The following FER variants were observed in gnomAD, a reference collection of about 807,000 sequenced individuals.
FER encodes the protein tyrosine-protein kinase Fer.
FER carries 63 observed loss-of-function variants against 111.0 expected under a neutral mutation model. That is an observed-to-expected ratio of 0.57 (90% CI 0.46 to 0.70). The LOEUF is 0.70. FER is among the 30% of genes least tolerant of loss of function. The pLI is 0.00. For missense variants in FER, 914 were observed against 954.0 expected (o/e 0.96, Z 0.55); for synonymous variants, 327 against 313.9 (o/e 1.04, Z -0.44).
intron 15 of FER, among the ~76,000 whole-genome samples, chr5:109,045,339 G>T (rs1470793928): frequency 6.7e-6 from 1 of 148,166 alleles, no homozygotes; most frequent in South Asian, 2.1e-4. Flanking sequence ...GCTATCCTTG[G>T]TTTAGTTGTA....
intron 10 of FER, among the ~76,000 whole-genome samples, chr5:108,931,439 C>T (rs1044296766): frequency 2.6e-5 from 4 of 151,940 alleles, no homozygotes; most frequent in Non-Finnish European, 4.4e-5. Context: ...CCAAACTTTC[C>T]TGTGTTTATA....
intron 13 of FER, among the ~76,000 whole-genome samples, chr5:108,979,888 G>C (rs1761831440): frequency 6.6e-6 from 1 of 152,114 alleles, no homozygotes; most frequent in Admixed American, 6.6e-5. Flanking sequence ...CATCTGCACT[G>C]TTTGTGAGTT....
At chr5:109,030,279 T>A (rs1238055053) in intron 13 of FER, among the ~76,000 whole-genome samples, 1 of 152,206 alleles carries the variant, frequency 6.6e-6, no homozygotes, top group Non-Finnish European at 1.5e-5. Flanking sequence ...AAAATCCTCG[T>A]CAGGTAATTC....
intron 13 of FER, among the ~76,000 whole-genome samples, chr5:108,984,776 G>A (rs1371994066): frequency 6.6e-6 from 1 of 152,040 alleles, no homozygotes; most frequent in Non-Finnish European, 1.5e-5. Flanking sequence ...CTCTCAATCC[G>A]TGGTGGTGAG....
At chr5:108,771,165 C>A (rs10075620) in intron 2 of FER, among the ~76,000 whole-genome samples, 39,599 of 151,750 alleles carry the variant, frequency 0.26, 5,687 homozygotes, top group African/African-American at 0.38. Flanking sequence ...TGAACTCCTG[C>A]CCTTGTGATC....
intron 16 of FER, chr5:109,052,339 A>G: frequency 6.3e-7 from 1 of 1,597,274 alleles, no homozygotes; most frequent in Non-Finnish European, 8.6e-7. Flanking sequence ...TGACTCAACC[A>G]CTGTCTTCAG....
rs1757868620 is a variant in FER at position 109,177,811 on chromosome 5, G to A, written c.2049-2936G>A. Among the ~76,000 whole-genome samples, 3 of 152,312 alleles carry A rather than the reference G, an allele frequency of 2.0e-5. No individual in the cohort carries two copies. The South Asian group carries it at 6.2e-4, about 32-fold the overall frequency. ...GCAGCATTTGCTGTTATATCCCTCTGCATGTGGTGAGATATAGCTGTCTCT... is the reference window on the plus strand; with the variant it reads ...GCAGCATTTGCTGTTATATCCCTCTACATGTGGTGAGATATAGCTGTCTCT... On this transcript the variant is annotated intron_variant, in intron 17 of 19. Coordinates refer to ENST00000281092, the MANE Select transcript of FER (RefSeq NM_005246.4).
chr5:108,853,966 G>T (rs1333301430), intron 5 of FER, among the ~76,000 whole-genome samples: 1 of 152,172 alleles, frequency 6.6e-6, no homozygotes, highest in South Asian at 2.1e-4. Flanking sequence ...TTAGGCAAGG[G>T]GTCATGCTGG....
chr5:109,131,558 C>T lies in FER; in HGVS notation c.2048+31039C>T, dbSNP rs186062300. 7.6e-4 allele frequency among the ~76,000 whole-genome samples: 116 copies of T among 152,078 alleles called. 1 individual carries two copies. Among genetic ancestry groups the T allele is most frequent in the Admixed American group, 1.3e-3 (20 of 15,268 alleles). Reference sequence around the variant, plus strand: ...TGTAGAACATTAATTTTAACATTTACATTATTTCAATTTTTCTTTTAATAT... The same window carrying T: ...TGTAGAACATTAATTTTAACATTTATATTATTTCAATTTTTCTTTTAATAT... On this transcript the variant is annotated intron_variant, in intron 17 of 19. Coordinates refer to ENST00000281092, the MANE Select transcript of FER (RefSeq NM_005246.4).
At chr5:109,126,489 A>G (rs1051530898) in intron 17 of FER, among the ~76,000 whole-genome samples, 3 of 152,350 alleles carry the variant, frequency 2.0e-5, no homozygotes, top group Admixed American at 2.0e-4. Flanking sequence ...TCTAAATCCA[A>G]GCATGGTTAC....
In FER at chr5:108,992,589, C is replaced by A. The variant is rs539149763; in HGVS notation, c.1656+33242C>A. 3.3e-5 allele frequency among the ~76,000 whole-genome samples: 5 copies of A among 149,628 alleles called. No individual in the cohort carries two copies. The East Asian group carries it at 1.0e-3, about 30-fold the overall frequency. On this transcript the variant is annotated intron_variant, in intron 13 of 19. Coordinates refer to ENST00000281092, the MANE Select transcript of FER (RefSeq NM_005246.4). Reference sequence around the variant, plus strand: ...CCCAGTAGGGGTGGCTGGGCAGAGGCGCCCCTTACCTCCCAGATGGGGCGG... The same window carrying A: ...CCCAGTAGGGGTGGCTGGGCAGAGGAGCCCCTTACCTCCCAGATGGGGCGG...
intron 2 of FER, among the ~76,000 whole-genome samples, chr5:108,793,228 G>A (rs1172255682): frequency 6.6e-6 from 1 of 152,088 alleles, no homozygotes; most frequent in African/African-American, 2.4e-5. Context: ...GCTCAAGATT[G>A]TCTTTCTGTG....
At chr5:108,915,365 G>A (rs1311420889) in intron 10 of FER, among the ~76,000 whole-genome samples, 2 of 152,056 alleles carry the variant, frequency 1.3e-5, no homozygotes, top group African/African-American at 2.4e-5. Context: ...CCAGCTACTC[G>A]AGAGGCTGAG....
chr5:109,047,705 G>A (rs1224018326), intron 16 of FER, among the ~76,000 whole-genome samples: 2 of 152,084 alleles, frequency 1.3e-5, no homozygotes, highest in African/African-American at 4.8e-5. Flanking sequence ...AAAGTGCTGG[G>A]ATTACAGACA....
At chr5:108,908,808 G>A (rs570032028) in intron 10 of FER, among the ~76,000 whole-genome samples, 31 of 152,284 alleles carry the variant, frequency 2.0e-4, no homozygotes, top group African/African-American at 7.0e-4. Context: ...AGAGGCCAAG[G>A]TGGGTGGATC....
chr5:109,144,118 T>C (rs1370055001), intron 17 of FER, among the ~76,000 whole-genome samples: 1 of 152,050 alleles, frequency 6.6e-6, no homozygotes, highest in Non-Finnish European at 1.5e-5. Flanking sequence ...CTGGTGAAGG[T>C]GTTTCAGATA....
intron 11 of FER, among the ~76,000 whole-genome samples, chr5:108,947,752 C>T (rs1757175176): frequency 6.6e-6 from 1 of 151,444 alleles, no homozygotes. Flanking sequence ...ATCGTCTAAT[C>T]CAAGATTATG....
chr5:109,003,252 T>C (rs1198130699), intron 13 of FER, among the ~76,000 whole-genome samples: 2 of 152,116 alleles, frequency 1.3e-5, no homozygotes, highest in African/African-American at 2.4e-5. Context: ...ATTAAGAAAA[T>C]GTGGCACATA....
intron 17 of FER, among the ~76,000 whole-genome samples, chr5:109,131,138 A>G (rs1012017246): frequency 3.3e-5 from 5 of 152,304 alleles, no homozygotes; most frequent in Non-Finnish European, 7.3e-5. Flanking sequence ...CTGGTAAATC[A>G]TCTCTTGAGA....
Sources: allele counts gnomAD v4.1 joint callset (sites outside exome capture counted in the v4.1 genomes callset), GRCh38; gene constraint gnomAD v4.1.1; transcripts MANE v1.5; gene names NCBI Gene and HGNC (gene_info 2026-07-23, HGNC 2026-07-21).